Variants in ENTPD8 observed in about 807,000 individuals in gnomAD.
ENTPD8 encodes the protein E-NTPDase 8.
In ENTPD8, 35 loss-of-function variants were observed where a neutral mutation model predicts 47.0. That is an observed-to-expected ratio of 0.75 (90% CI 0.57 to 0.99). The LOEUF (loss-of-function observed/expected upper bound fraction) is 0.99, where lower values mean the gene tolerates loss of function less well. Ranked by LOEUF, ENTPD8 falls within the 50% of genes least tolerant of loss-of-function variation. The pLI is 0.00. For missense variants in ENTPD8, 668 were observed against 649.9 expected, an observed-to-expected ratio of 1.03 and a Z score of -0.30; for synonymous variants, 308 against 290.5, an observed-to-expected ratio of 1.06 and a Z score of -0.61.
At chr9:137,436,779 G>C (rs758690977) in intron 5 of ENTPD8, 28 bp from the exon 6 acceptor site, 4 of 1,602,252 alleles carry the variant, frequency 2.5e-6, no homozygotes, top group Admixed American at 3.4e-5. Flanking sequence ...CACTCAGCTG[G>C]GAGCAGCCAC....
rs866053614 is a variant in ENTPD8 at position 137,435,611 on chromosome 9, C to T, written c.1161+108G>A. On this transcript the variant is annotated intron_variant, in intron 8 of 9. Coordinates refer to ENST00000371506, the MANE Select transcript of ENTPD8 (RefSeq NM_001033113.2). Reference sequence around the variant, plus strand: ...AGCTGTCCTCTGCCCTTGCCTCCCCCGGCCCTGCTGGCCGTGCTGCCCAGA... The same window carrying T: ...AGCTGTCCTCTGCCCTTGCCTCCCCTGGCCCTGCTGGCCGTGCTGCCCAGA... 49 of 1,203,474 alleles carry T rather than the reference C, an allele frequency of 4.1e-5. 1 individual carries two copies. In the Middle Eastern group the frequency reaches 2.1e-3, roughly 52 times the overall value. 74.5% of individuals were successfully genotyped at this position (1,203,474 alleles called of 1,614,324 possible).
chr9:137,437,337 C>T (rs768214221), intron 3 of ENTPD8, 28 bp from the exon 4 acceptor site: 1 of 1,594,426 alleles, frequency 6.3e-7, no homozygotes, highest in African/African-American at 1.3e-5. Context: ...GACAGAGCTC[C>T]AGACCCCGCA....
rs1200573734 is a variant in ENTPD8 at position 137,438,446 on chromosome 9, A to G, written c.-20-141T>C. 2 of 960,468 alleles carry G rather than the reference A, an allele frequency of 2.1e-6. No individual in the cohort carries two copies. Among genetic ancestry groups the G allele is most frequent in the Non-Finnish European group, 2.9e-6 (2 of 681,132 alleles). 59.5% of individuals were successfully genotyped at this position (960,468 alleles called of 1,614,324 possible). On this transcript the variant is annotated intron_variant, in intron 1 of 9. Coordinates refer to ENST00000371506, the MANE Select transcript of ENTPD8 (RefSeq NM_001033113.2). The surrounding 1 kb of genome is among the most constrained non-coding windows in gnomAD (Gnocchi z 5.7). ...CCTTAGAGGCATCTCCGGGGCTCAG[A>G]CGCCTCCCGTGGCCATAGAGGCATC...
rs1024928651 is a variant in ENTPD8, at chr9:137,437,029, C to T, written c.396-1G>A. 5 of 1,611,734 alleles carry T rather than the reference C, an allele frequency of 3.1e-6. No individual in the cohort carries two copies. The African/African-American group carries it at 6.7e-5, about 22-fold the overall frequency. Reference sequence around the variant, plus strand: ...CCTGGCCTGAGAGCTGTTCTTCCGGCTGGGCACAGAGGACCAGGGGCTGGA... The same window carrying T: ...CCTGGCCTGAGAGCTGTTCTTCCGGTTGGGCACAGAGGACCAGGGGCTGGA... On this transcript the variant is annotated splice_acceptor_variant, in intron 4 of 9. Coordinates refer to ENST00000371506, the MANE Select transcript of ENTPD8 (RefSeq NM_001033113.2). LOFTEE classifies it high-confidence loss of function.
chr9:137,435,884 C>A (rs1446964583), intron 7 of ENTPD8, 55 bp from the exon 8 acceptor site: 8 of 1,606,560 alleles, frequency 5.0e-6, no homozygotes, highest in African/African-American at 4.0e-5. Flanking sequence ...GGGCCAGATC[C>A]ACCCCACCCG....
Position 137,436,110 on chromosome 9 carries a change from G to A in ENTPD8, c.953C>T (p.Ser318Leu), listed in dbSNP as rs769950480. The A allele has an allele frequency of 1.9e-6, 3 of 1,613,040 alleles. No homozygotes were observed. Among genetic ancestry groups the A allele is most frequent in the Non-Finnish European group, 2.5e-6 (3 of 1,179,994 alleles). ...GAAGTTGAAAAGTTCCCGGATGGCT[G>A]AGACGCAGGCTCCAGGGTTGCCTGT... ...EGTGNPGACV[S>L]AIRELFNFSS... Residue 318 changes from serine to leucine, a missense_variant, in exon 7 of 10, where the codon TCA (serine) becomes TTA (leucine). Ser to Leu is a moderately radical substitution (Grantham distance 145, BLOSUM62 -2). Coordinates refer to ENST00000371506, the MANE Select transcript of ENTPD8 (RefSeq NM_001033113.2).
intron 7 of ENTPD8, 47 bp from the exon 8 acceptor site, chr9:137,435,876 G>A (rs769430736): frequency 5.0e-6 from 8 of 1,607,382 alleles, no homozygotes; most frequent in Non-Finnish European, 6.0e-6. Context: ...GCCACGCTGG[G>A]CCAGATCCAC....
In ENTPD8 at chr9:137,435,700, G is replaced by T. The variant is rs760114042; in HGVS notation, c.1161+19C>A. On this transcript the variant is annotated intron_variant, in intron 8 of 9. Coordinates refer to ENST00000371506, the MANE Select transcript of ENTPD8 (RefSeq NM_001033113.2). ...CTCAGGGACCCTCGCTGCAGCCAGG[G>T]AGCCCAGGGCCCACCCACCAGTTTC... The T allele has an allele frequency of 1.2e-6, 2 of 1,602,598 alleles. No homozygotes were observed. The highest frequency in any genetic ancestry group is 4.5e-5 in the East Asian group (2 of 44,812).
intron 1 of ENTPD8, among the ~76,000 whole-genome samples, chr9:137,439,148 C>T (rs770849778): frequency 2.0e-5 from 3 of 152,158 alleles, no homozygotes; most frequent in Admixed American, 1.3e-4. Context: ...CCCAAGGCTT[C>T]CCTAATCTGA....
In ENTPD8 at chr9:137,437,214, G is replaced by C; in HGVS notation, c.340C>G (p.Gln114Glu). The C allele has an allele frequency of 2.5e-6, 4 of 1,613,012 alleles. No individual in the cohort carries two copies. In the Admixed American group the frequency reaches 6.7e-5, roughly 27 times the overall value. ...AGGAACGTGGGTGTTTTCCGATGCT[G>C]GGCCTCTGGGATCAGCACCAGCGCC... ...EEALVLIPEA[Q>E]HRKTPTFLGA... The change falls in exon 4 of 10, where the codon CAG becomes GAG. Residue 114 changes from glutamine (Q) to glutamate (E), a missense_variant. By Grantham distance (29) the Gln-to-Glu change is conservative. Coordinates refer to ENST00000371506, the MANE Select transcript of ENTPD8 (RefSeq NM_001033113.2).
intron 8 of ENTPD8, 110 bp from the exon 9 acceptor site, chr9:137,435,448 C>A: frequency 6.8e-7 from 1 of 1,478,016 alleles, no homozygotes; most frequent in East Asian, 2.4e-5. Flanking sequence ...AAGAGGGTGC[C>A]GGGCAGTGGT....
Position 137,434,804 on chromosome 9 carries a change from G to A in ENTPD8, c.*110C>T, listed in dbSNP as rs945688592. ...CCCTGGAGGTGGCTGTCACCTGACC[G>A]TGGGCAGAGCCACAGAGCAAGGCCC... On this transcript the variant is annotated 3_prime_UTR_variant, in exon 10 of 10. Coordinates refer to ENST00000371506, the MANE Select transcript of ENTPD8 (RefSeq NM_001033113.2). 10 of 1,341,718 alleles carry A rather than the reference G, an allele frequency of 7.5e-6. No homozygotes were observed. In the Admixed American group the frequency reaches 8.4e-5, roughly 11 times the overall value. The allele number at this position is 1,341,718 out of a possible 1,614,324, so 83.1% of individuals were successfully genotyped here.
Position 137,437,208 on chromosome 9 carries a change from G to A in ENTPD8, c.346C>T (p.Arg116Trp), listed in dbSNP as rs760383211. Residue 116 changes from arginine to tryptophan, a missense_variant, in exon 4 of 10, where the codon CGG (arginine) becomes TGG (tryptophan). Arg to Trp is a moderately radical substitution (Grantham distance 101). Transcript: ENST00000371506. ...ALVLIPEAQHRKTPTFLGATA... is the reference protein window; with the variant it reads ...ALVLIPEAQHWKTPTFLGATA... ...GCCCCCAGGAACGTGGGTGTTTTCC[G>A]ATGCTGGGCCTCTGGGATCAGCACC... 30 of 1,612,870 alleles carry A rather than the reference G, an allele frequency of 1.9e-5. No homozygotes were observed. The highest frequency in any genetic ancestry group is 3.3e-5 in the Admixed American group (2 of 60,006).
rs778742069 is a variant in ENTPD8 at position 137,435,032 on chromosome 9, G to A, written c.1370C>T (p.Pro457Leu). The A allele has an allele frequency of 1.1e-5, 17 of 1,612,660 alleles. No individual in the cohort carries two copies. Among genetic ancestry groups the A allele is most frequent in the South Asian group, 7.7e-5 (7 of 91,078 alleles). ...GTAGCTCTCTGCCCGCCACTGAGCC[G>A]GCGCATCGGCCGGGATCATCCCGGT... Reference protein sequence around the residue: ...NLTGMIPADAPAQWRAESYGV... With the variant: ...NLTGMIPADALAQWRAESYGV... The change falls in exon 10 of 10, where the codon CCG (proline) becomes CTG (leucine). Residue 457 changes from proline (P) to leucine (L), a missense_variant. Physicochemically the swap from Pro to Leu is moderately conservative, Grantham distance 98. Transcript: ENST00000371506.
At chr9:137,436,336 C>G (rs1400090320) in intron 6 of ENTPD8, 60 bp from the exon 7 acceptor site, 1 of 1,478,074 alleles carries the variant, frequency 6.8e-7, no homozygotes, top group East Asian at 2.4e-5. Flanking sequence ...TGCCCCTCCC[C>G]GGGGCCGGAT....
rs757936735 is a variant in ENTPD8 at position 137,438,240 on chromosome 9, C to T, written c.46G>A (p.Ala16Thr). ...KEQVFLALLGASGVSGLTALI... is the reference protein window; with the variant it reads ...KEQVFLALLGTSGVSGLTALI... Reference sequence around the variant, plus strand: ...GCCGTGAGGCCTGAGACCCCCGAGGCCCCCAGCAGGGCCAAGAAGACCTGC... The same window carrying T: ...GCCGTGAGGCCTGAGACCCCCGAGGTCCCCAGCAGGGCCAAGAAGACCTGC... Residue 16 changes from alanine to threonine, a missense_variant, in exon 2 of 10, where the codon GCC (alanine) becomes ACC (threonine). Ala to Thr is a moderately conservative substitution (Grantham distance 58). Transcript: ENST00000371506. The surrounding 1 kb of genome is among the most constrained non-coding windows in gnomAD (Gnocchi z 5.7). 6.2e-7 allele frequency: 1 copy of T among 1,600,188 alleles called. No homozygotes were observed. Among genetic ancestry groups the T allele is most frequent in the Non-Finnish European group, 8.5e-7 (1 of 1,173,960 alleles).
chr9:137,438,316 A>G lies in ENTPD8; in HGVS notation c.-20-11T>C. ...AGGTGGTACTGGTTCCTGTGGGGGG[A>G]CGGCCGTGGGCACCCAGGCTGCACT... On this transcript the variant is annotated splice_polypyrimidine_tract_variant and intron_variant, in intron 1 of 9. Coordinates refer to ENST00000371506, the MANE Select transcript of ENTPD8 (RefSeq NM_001033113.2). This position sits in a 1 kb window ranked among gnomAD's most constrained non-coding sequence, Gnocchi z 5.7. 3 of 1,516,152 alleles carry G rather than the reference A, an allele frequency of 2.0e-6. No homozygotes were observed. Among genetic ancestry groups the G allele is most frequent in the Non-Finnish European group, 2.7e-6 (3 of 1,129,670 alleles). The allele number at this position is 1,516,152 out of a possible 1,614,324, so 93.9% of individuals were successfully genotyped here.
chr9:137,436,339 G>A, intron 6 of ENTPD8, 63 bp from the exon 7 acceptor site: 1 of 1,462,308 alleles, frequency 6.8e-7, no homozygotes, highest in East Asian at 2.4e-5. Flanking sequence ...CCCTCCCCGG[G>A]GCCGGATGAC....
chr9:137,435,964 G>A lies in ENTPD8; in HGVS notation c.1050+49C>T, dbSNP rs775563249. 5.0e-6 allele frequency: 8 copies of A among 1,606,074 alleles called. No individual in the cohort carries two copies. In the Admixed American group the frequency reaches 6.7e-5, roughly 13 times the overall value. Reference sequence around the variant, plus strand: ...TGCTGGAGTCAGACAGGCACCTGAGGCCTCACAAGGAAGCCCGGACCCCTG... The same window carrying A: ...TGCTGGAGTCAGACAGGCACCTGAGACCTCACAAGGAAGCCCGGACCCCTG... On this transcript the variant is annotated intron_variant, in intron 7 of 9. Transcript: ENST00000371506.
Sources: allele counts gnomAD v4.1 joint callset (sites outside exome capture counted in the v4.1 genomes callset), GRCh38; gene constraint gnomAD v4.1.1; non-coding constraint Gnocchi (gnomAD v3.1); transcripts MANE v1.5; gene names NCBI Gene and HGNC (gene_info 2026-07-23, HGNC 2026-07-21).